The following BEND6 variants were observed in gnomAD, a reference collection of about 807,000 sequenced individuals.
BEND6 encodes the protein BEN domain-containing protein 6.
Under a neutral mutation model 31.8 loss-of-function variants are expected in BEND6, and 24 were observed. The observed-to-expected ratio is 0.75, with a 90% confidence interval of 0.55 to 1.06. The LOEUF is 1.06. Among genes scored for constraint, BEND6 ranks in the 50% least tolerant of loss-of-function variants. The probability of loss-of-function intolerance (pLI) is 0.00; values close to 1 mark genes in which losing one functional copy is unlikely to be tolerated. For missense variants in BEND6, 294 were observed against 327.4 expected, an observed-to-expected ratio of 0.90 and a Z score of 0.79; for synonymous variants, 109 against 114.6, an observed-to-expected ratio of 0.95 and a Z score of 0.31.
chr6:56,990,654 C>A (rs1181160599), intron 2 of BEND6, among the ~76,000 whole-genome samples: 1 of 152,142 alleles, frequency 6.6e-6, no homozygotes, highest in Non-Finnish European at 1.5e-5. Flanking sequence ...AAACACCCTG[C>A]TGCTTATACT....
intron 3 of BEND6, among the ~76,000 whole-genome samples, chr6:57,011,889 G>GC (rs1827362059): frequency 6.6e-6 from 1 of 152,036 alleles, no homozygotes; most frequent in African/African-American, 2.4e-5. Context: ...AATTTGGGAG[G>GC]CCGAGGTGGG....
intron 1 of BEND6, among the ~76,000 whole-genome samples, chr6:56,971,162 C>A (rs568168919): frequency 2.6e-4 from 39 of 152,274 alleles, no homozygotes; most frequent in Non-Finnish European, 4.7e-4. Flanking sequence ...CTGGCAATCA[C>A]CATTCTACTT....
intron 3 of BEND6, chr6:57,008,212 A>G (rs986442415): frequency 2.3e-5 from 16 of 702,846 alleles, no homozygotes; most frequent in Admixed American, 1.4e-4. Flanking sequence ...AGACTCTCCA[A>G]TGAATGTGTT....
At chr6:57,009,287 T>C (rs1292494397) in intron 3 of BEND6, 1 of 152,164 alleles carries the variant, frequency 6.6e-6, no homozygotes, top group Non-Finnish European at 1.5e-5. Flanking sequence ...ATTTTGAATG[T>C]TCCCAACATA....
chr6:57,010,554 A>C, intron 3 of BEND6: 1 of 387,954 alleles, frequency 2.6e-6, no homozygotes, highest in African/African-American at 2.2e-5. Flanking sequence ...GATAAAAATG[A>C]GATGATGCCT....
intron 1 of BEND6, among the ~76,000 whole-genome samples, chr6:56,968,926 T>G (rs1825588605): frequency 1.3e-5 from 2 of 151,784 alleles, no homozygotes; most frequent in African/African-American, 4.8e-5. Context: ...ATAAAAAAAA[T>G]TAGCCAGCCG....
intron 2 of BEND6, among the ~76,000 whole-genome samples, chr6:56,989,851 G>A (rs1446631888): frequency 6.6e-6 from 1 of 152,076 alleles, no homozygotes; most frequent in Non-Finnish European, 1.5e-5. Flanking sequence ...CAGTTGTGAT[G>A]TGTTTTTTCA....
Position 57,015,252 on chromosome 6 carries a change from T to A in BEND6, c.418T>A (p.Ser140Thr). 1 of 1,614,164 alleles carries A rather than the reference T, an allele frequency of 6.2e-7. No homozygotes were observed. Among genetic ancestry groups the A allele is most frequent in the South Asian group, 1.1e-5 (1 of 91,078 alleles). ...STLWRATNNS[S>T]PDSFASTCSN... ...CCTCTGGAGAGCAACAAACAACTCC[T>A]CGCCAGATTCATTTGCCTCAACATG... Residue 140 changes from serine (S) to threonine (T), a missense_variant, in exon 4 of 7, where the codon TCG becomes ACG. Transcript: ENST00000370746.
At chr6:57,012,416 A>G (rs1321160913) in intron 3 of BEND6, among the ~76,000 whole-genome samples, 2 of 152,224 alleles carry the variant, frequency 1.3e-5, no homozygotes, top group Non-Finnish European at 2.9e-5. Context: ...TGGTAAGTCC[A>G]AGGATTGATT....
At chr6:57,019,186 A>C (rs1182480210) in intron 6 of BEND6, among the ~76,000 whole-genome samples, 2 of 152,266 alleles carry the variant, frequency 1.3e-5, no homozygotes. Flanking sequence ...AAAAAGAATA[A>C]TTTTTTAGTG....
Position 56,955,212 on chromosome 6 carries a change from C to T in BEND6, c.-349C>T, listed in dbSNP as rs1021498929. The T allele has an allele frequency of 1.3e-5, 2 of 151,702 alleles. No individual in the cohort carries two copies. The highest frequency in any genetic ancestry group is 4.8e-5 in the African/African-American group (2 of 41,412). The allele number at this position is 151,702 out of a possible 1,614,324, so 9.4% of individuals were successfully genotyped here. A position where few individuals can be genotyped will look rare whatever the true frequency, so the allele number is the denominator to read the frequency against. Reference sequence around the variant, plus strand: ...GGCCTGAGAGCCCAGCGCCCTCCCGCGGGGCCGCCCGCCAGTCCGCGCCGT... The same window carrying T: ...GGCCTGAGAGCCCAGCGCCCTCCCGTGGGGCCGCCCGCCAGTCCGCGCCGT... On this transcript the variant is annotated 5_prime_UTR_variant, in exon 1 of 7. Coordinates refer to ENST00000370746, the MANE Select transcript of BEND6 (RefSeq NM_152731.3).
chr6:56,981,983 T>C, intron 2 of BEND6, 53 bp downstream of exon 2: 2 of 1,536,868 alleles, frequency 1.3e-6, no homozygotes, highest in Non-Finnish European at 1.7e-6. Flanking sequence ...AATCATAATT[T>C]CATGGTTTCT....
intron 1 of BEND6, among the ~76,000 whole-genome samples, chr6:56,966,668 C>T (rs1227222721): frequency 6.6e-6 from 1 of 152,176 alleles, no homozygotes; most frequent in Non-Finnish European, 1.5e-5. Flanking sequence ...TATTTCTGTG[C>T]TATTACCTCT....
chr6:56,965,278 C>T (rs1825433184), intron 1 of BEND6, among the ~76,000 whole-genome samples: 1 of 151,856 alleles, frequency 6.6e-6, no homozygotes, highest in Non-Finnish European at 1.5e-5. Context: ...GACGGGAACT[C>T]CACTTAAGAT....
intron 3 of BEND6, chr6:57,010,349 T>C (rs1327442718): frequency 6.6e-6 from 1 of 152,222 alleles, no homozygotes; most frequent in African/African-American, 2.4e-5. Context: ...AGCAACCAGT[T>C]GTAATGTATA....
intron 2 of BEND6, 60 bp from the exon 3 acceptor site, chr6:56,992,318 A>C: frequency 2.7e-6 from 4 of 1,484,770 alleles, no homozygotes; most frequent in Non-Finnish European, 1.8e-6. Context: ...ATGGTTAACC[A>C]GAGATAAACC....
intron 6 of BEND6, among the ~76,000 whole-genome samples, chr6:57,020,843 T>TG (rs927318338): frequency 6.0e-5 from 9 of 150,902 alleles, no homozygotes; most frequent in Non-Finnish European, 7.4e-5. Context: ...GTTTTTTTTT[T>TG]TTTTTTTTTT....
intron 1 of BEND6, among the ~76,000 whole-genome samples, chr6:56,978,325 G>A (rs1445288698): frequency 6.6e-6 from 1 of 151,682 alleles, no homozygotes; most frequent in Non-Finnish European, 1.5e-5. Flanking sequence ...AAATGTGGAG[G>A]GTTTTTTTTG....
chr6:56,989,269 C>CA (rs1430604601), intron 2 of BEND6, among the ~76,000 whole-genome samples: 1 of 150,986 alleles, frequency 6.6e-6, no homozygotes, highest in Non-Finnish European at 1.5e-5. Flanking sequence ...TCTTACTCAA[C>CA]ATTTTACTGA....
Sources: gnomAD v4.1 joint callset for allele counts (sites outside exome capture counted in the v4.1 genomes callset) on GRCh38, gnomAD v4.1.1 for gene constraint, MANE v1.5 for transcripts, NCBI Gene and HGNC (gene_info 2026-07-23, HGNC 2026-07-21) for gene names.